CMIP: variants seen among roughly 807,000 people sequenced by gnomAD.
CMIP encodes the protein c-Maf inducing protein, also known as C-Maf-inducing protein.
In CMIP, 13 loss-of-function variants were observed where a neutral mutation model predicts 97.3. That is an observed-to-expected ratio of 0.13 (90% CI 0.09 to 0.21). The LOEUF is 0.21. Among genes scored for constraint, CMIP ranks in the 10% least tolerant of loss-of-function variants. The pLI, the probability that CMIP is intolerant of heterozygous loss-of-function variation, is 1.00. For synonymous variants in CMIP, 538 were observed against 436.3 expected (o/e 1.23, Z -2.91); for missense variants, 847 against 1,024.9 (o/e 0.83, Z 2.37).
intron 1 of CMIP, among the ~76,000 whole-genome samples, chr16:81,494,158 C>T (rs953196838): frequency 6.6e-6 from 1 of 152,096 alleles, no homozygotes; most frequent in Admixed American, 6.6e-5. Context: ...GAGCAGTCAC[C>T]GGGGGAATCG....
At chr16:81,590,838 TCCA>T (rs2091456108) in intron 1 of CMIP, among the ~76,000 whole-genome samples, 2 of 151,742 alleles carry the variant, frequency 1.3e-5, no homozygotes, top group African/African-American at 4.8e-5. Flanking sequence ...CATCCATCCA[TCCA>T]TCCATCCATC....
intron 1 of CMIP, chr16:81,519,880 A>T (rs1349095708): frequency 6.6e-6 from 1 of 152,114 alleles, no homozygotes; most frequent in African/African-American, 2.4e-5. Context: ...CTGAATGGCG[A>T]CGAATGGGAA....
intron 3 of CMIP, among the ~76,000 whole-genome samples, chr16:81,636,977 C>T (rs2092245350): frequency 6.6e-6 from 1 of 152,164 alleles, no homozygotes. Flanking sequence ...TTGTAACCCT[C>T]CTTCCTTCTT....
intron 10 of CMIP, among the ~76,000 whole-genome samples, chr16:81,682,134 G>T (rs369952969): frequency 1.3e-5 from 2 of 152,084 alleles, no homozygotes; most frequent in African/African-American, 4.8e-5. Flanking sequence ...ACCCCGGGGG[G>T]CGGAGGTTGC....
chr16:81,628,756 C>T (rs937393891), intron 3 of CMIP, among the ~76,000 whole-genome samples: 1 of 152,164 alleles, frequency 6.6e-6, no homozygotes, highest in Non-Finnish European at 1.5e-5. Context: ...TCTCGTGGCA[C>T]ATCTGGGTAG....
At chr16:81,593,512 C>G (rs990298009) in intron 1 of CMIP, among the ~76,000 whole-genome samples, 1 of 152,210 alleles carries the variant, frequency 6.6e-6, no homozygotes, top group African/African-American at 2.4e-5. Context: ...ACCCCATGCA[C>G]CAGGCCGACT....
At chr16:81,466,286 C>G (rs117458541) in intron 1 of CMIP, among the ~76,000 whole-genome samples, 4,739 of 152,282 alleles carry the variant, frequency 0.031, 246 homozygotes, top group East Asian at 0.28. Context: ...GTCTTGAACT[C>G]CTGCGATCAA....
In CMIP at chr16:81,707,803, C is replaced by T. The variant is rs1204225149; in HGVS notation, c.2268+719C>T. Among the ~76,000 whole-genome samples the T allele has an allele frequency of 3.3e-5, 5 of 152,230 alleles. No homozygotes were observed. In the South Asian group the frequency reaches 8.3e-4, roughly 25 times the overall value. ...CCTGTACCAGCTGCCCCAGAAGGAGCGGGCGGGACTGGCAGAGGGCCAGCA... is the reference window on the plus strand; with the variant it reads ...CCTGTACCAGCTGCCCCAGAAGGAGTGGGCGGGACTGGCAGAGGGCCAGCA... On this transcript the variant is annotated intron_variant, in intron 20 of 20. Transcript: ENST00000537098.
At chr16:81,660,970 T>C (rs1343727448) in intron 6 of CMIP, 24 bp downstream of exon 6, 2 of 1,613,838 alleles carry the variant, frequency 1.2e-6, no homozygotes, top group Admixed American at 1.7e-5. Context: ...GAGCTGGGGC[T>C]GTGGCTGCAG....
At chr16:81,477,836 G>T (rs113032535) in intron 1 of CMIP, among the ~76,000 whole-genome samples, 3,905 of 152,326 alleles carry the variant, frequency 0.026, 176 homozygotes, top group African/African-American at 0.089. Flanking sequence ...CTTCCAGTTA[G>T]TGGGAAATGG....
At chr16:81,487,704 TC>T (rs1285774662) in intron 1 of CMIP, among the ~76,000 whole-genome samples, 2 of 152,206 alleles carry the variant, frequency 1.3e-5, no homozygotes, top group Non-Finnish European at 2.9e-5. Context: ...AACTGTGGCT[TC>T]CTTGCACCAC....
intron 1 of CMIP, among the ~76,000 whole-genome samples, chr16:81,571,379 G>C (rs2091084694): frequency 6.6e-6 from 1 of 151,954 alleles, no homozygotes; most frequent in Admixed American, 6.6e-5. Context: ...TGAGGTGAGA[G>C]ATCTTTTGAG....
Position 81,473,076 on chromosome 16 carries a change from G to A in CMIP, c.300+27535G>A, listed in dbSNP as rs191259008. 3.9e-5 allele frequency among the ~76,000 whole-genome samples: 6 copies of A among 152,314 alleles called. No individual in the cohort carries two copies. In the East Asian group the frequency reaches 7.7e-4, roughly 20 times the overall value. On this transcript the variant is annotated intron_variant, in intron 1 of 20. Coordinates refer to ENST00000537098, the MANE Select transcript of CMIP (RefSeq NM_198390.3). ...GATCTATAAAATGGGAGTGAATATA[G>A]CACCTTCAGCCACACCACCAGCCTG...
At chr16:81,547,148 T>TGAGGAGGATCTGGGGCA (rs2090562756) in intron 1 of CMIP, among the ~76,000 whole-genome samples, 1 of 151,890 alleles carries the variant, frequency 6.6e-6, no homozygotes, top group African/African-American at 2.4e-5. Flanking sequence ...TTAAGTCAAG[T>TGAGGAGGATCTGGGGCA]GAGGAGGATC....
At chr16:81,696,446 G>A (rs1473455033) in intron 13 of CMIP, 114 bp from the exon 14 acceptor site, 1 of 1,030,128 alleles carries the variant, frequency 9.7e-7, no homozygotes, top group Non-Finnish European at 1.4e-6. Flanking sequence ...AGTTAAGCGG[G>A]TTTCTTGACT....
chr16:81,621,096 G>T lies in CMIP; in HGVS notation c.477+170G>T. The T allele has an allele frequency of 1.5e-6, 1 of 669,206 alleles. No individual in the cohort carries two copies. Among genetic ancestry groups the T allele is most frequent in the South Asian group, 1.9e-5 (1 of 53,522 alleles). 41.5% of individuals were successfully genotyped at this position (669,206 alleles called of 1,614,324 possible). A position where few individuals can be genotyped will look rare whatever the true frequency, so the allele number is the denominator to read the frequency against. ...AGCCCCTGGCCCTTCGTCCTCTGCT[G>T]TTCAATTCCTGTCCCCTGCAGTGCT... On this transcript the variant is annotated intron_variant, in intron 3 of 20. Coordinates refer to ENST00000537098, the MANE Select transcript of CMIP (RefSeq NM_198390.3). The surrounding 1 kb of genome is among the most constrained non-coding windows in gnomAD (Gnocchi z 4.1).
At chr16:81,572,411 T>G (rs570507400) in intron 1 of CMIP, among the ~76,000 whole-genome samples, 1 of 152,334 alleles carries the variant, frequency 6.6e-6, no homozygotes, top group East Asian at 1.9e-4. Flanking sequence ...CGAGGTTGGA[T>G]TACATGAGAC....
At chr16:81,556,116 G>A (rs2090758491) in intron 1 of CMIP, among the ~76,000 whole-genome samples, 1 of 152,158 alleles carries the variant, frequency 6.6e-6, no homozygotes, top group African/African-American at 2.4e-5. Flanking sequence ...GAGTTTCTGA[G>A]TCCTGGGAAC....
At chr16:81,445,738 G>C (rs1438817984) in intron 1 of CMIP, among the ~76,000 whole-genome samples, 197 bp downstream of exon 1, 1 of 152,126 alleles carries the variant, frequency 6.6e-6, no homozygotes, top group Non-Finnish European at 1.5e-5. Flanking sequence ...GCCCAAACCA[G>C]CCGACCGGGC....
Sources: allele counts gnomAD v4.1 joint callset (sites outside exome capture counted in the v4.1 genomes callset), GRCh38; gene constraint gnomAD v4.1.1; non-coding constraint Gnocchi (gnomAD v3.1); transcripts MANE v1.5; gene names NCBI Gene and HGNC (gene_info 2026-07-23, HGNC 2026-07-21).